The following PROK2 variants were observed in gnomAD, a reference collection of about 807,000 sequenced individuals.
PROK2 encodes prokineticin-2.
PROK2 carries 8 observed loss-of-function variants against 14.2 expected under a neutral mutation model. The observed-to-expected ratio is 0.56, with a 90% CI of 0.33 to 1.02. The LOEUF is 1.02. Among genes scored for constraint, PROK2 ranks in the 50% least tolerant of loss-of-function variants. The probability of loss-of-function intolerance (pLI) is 0.03; values close to 1 mark genes in which losing one functional copy is unlikely to be tolerated. For synonymous variants in PROK2, 59 were observed against 60.7 expected (o/e 0.97, Z 0.13); for missense variants, 154 against 160.4 (o/e 0.96, Z 0.22).
At chr3:71,774,254 ATT>A (rs2050101657) in intron 3 of PROK2, among the ~76,000 whole-genome samples, 189 bp downstream of exon 3, 1 of 152,212 alleles carries the variant, frequency 6.6e-6, no homozygotes, top group African/African-American at 2.4e-5. Flanking sequence ...TTCCAGATAA[ATT>A]TCTTTGTATA....
intron 2 of PROK2, among the ~76,000 whole-genome samples, chr3:71,777,322 C>T (rs1444289957): frequency 6.6e-6 from 1 of 152,134 alleles, no homozygotes; most frequent in African/African-American, 2.4e-5. Context: ...GCATATTATG[C>T]TTTCTTCCCC....
rs58407323 is a variant in PROK2 at position 71,776,364 on chromosome 3, A to ATTTTTTTT, written c.223-1865_223-1858dup. Among the ~76,000 whole-genome samples the ATTTTTTTT allele has an allele frequency of 1.3e-3, 98 of 75,434 alleles. 8 individuals carry two copies. Among genetic ancestry groups the ATTTTTTTT allele is most frequent in the African/African-American group, 4.8e-3 (94 of 19,652 alleles). The allele number at this position is 75,434 out of a possible 152,430, so 49.5% of individuals were successfully genotyped here. A position where few individuals can be genotyped will look rare whatever the true frequency, so the allele number is the denominator to read the frequency against. Reference sequence around the variant, plus strand: ...TTTTCTTTTTTTCTTTTCGCTTTTCATTTTTTTTTTTTTTTTTTTTTTTTT... The same window carrying ATTTTTTTT: ...TTTTCTTTTTTTCTTTTCGCTTTTCATTTTTTTTTTTTTTTTTTTTTTTTTTTTTTTTT... On this transcript the variant is annotated intron_variant, in intron 2 of 3. Transcript: ENST00000295619.
intron 2 of PROK2, 28 bp downstream of exon 2, chr3:71,781,439 C>T: frequency 2.5e-6 from 4 of 1,612,626 alleles, no homozygotes; most frequent in Non-Finnish European, 3.4e-6. Flanking sequence ...AGTAGAACCA[C>T]CATGAATACA....
chr3:71,778,258 T>C (rs2050134949), intron 2 of PROK2, among the ~76,000 whole-genome samples: 1 of 152,000 alleles, frequency 6.6e-6, no homozygotes, highest in Non-Finnish European at 1.5e-5. Context: ...AATGAATACC[T>C]GTTAAAACTA....
Position 71,781,570 on chromosome 3 carries a change from C to T in PROK2, c.119G>A (p.Cys40Tyr). ...GACAGCACAGCACATGCCTCCACCA[C>T]ATTGGGAGTCCTTGTCACAAGCCTG... ...ITGACDKDSQ[C>Y]GGGMCCAVSI... Residue 40 changes from cysteine to tyrosine, a missense_variant, in exon 2 of 4, where the codon TGT (cysteine) becomes TAT (tyrosine). By Grantham distance (194) the Cys-to-Tyr change is radical. Coordinates refer to ENST00000295619, the MANE Select transcript of PROK2 (RefSeq NM_001126128.2). The T allele has an allele frequency of 6.2e-7, 1 of 1,611,824 alleles. No individual in the cohort carries two copies.
At chr3:71,778,390 A>G (rs1260074933) in intron 2 of PROK2, among the ~76,000 whole-genome samples, 1 of 152,302 alleles carries the variant, frequency 6.6e-6, no homozygotes, top group East Asian at 1.9e-4. Context: ...CTATACAATT[A>G]TAAAACAATA....
intron 2 of PROK2, among the ~76,000 whole-genome samples, chr3:71,775,861 G>T (rs1327965318): frequency 3.3e-5 from 5 of 152,138 alleles, no homozygotes; most frequent in Admixed American, 6.5e-5. Context: ...TTTGCTATGT[G>T]CCAATCAAAT....
chr3:71,778,172 G>C (rs979803501), intron 2 of PROK2, among the ~76,000 whole-genome samples: 1 of 151,610 alleles, frequency 6.6e-6, no homozygotes, highest in African/African-American at 2.4e-5. Context: ...ACTCCAGCCT[G>C]GGTGACAAAG....
chr3:71,783,175 C>CT (rs1168473546), intron 1 of PROK2, among the ~76,000 whole-genome samples: 5 of 151,902 alleles, frequency 3.3e-5, no homozygotes, highest in Admixed American at 2.6e-4. Flanking sequence ...GCCCCATGAG[C>CT]TTTTTTTTAT....
chr3:71,774,028 C>T (rs1198095825), intron 3 of PROK2, among the ~76,000 whole-genome samples: 1 of 152,212 alleles, frequency 6.6e-6, no homozygotes, highest in Non-Finnish European at 1.5e-5. Context: ...GCAAGTGACT[C>T]TGACTCAGGC....
chr3:71,773,832 A>G (rs1578408094), intron 3 of PROK2, among the ~76,000 whole-genome samples: 1 of 152,342 alleles, frequency 6.6e-6, no homozygotes, highest in Admixed American at 6.5e-5. Context: ...ACCGACAGCG[A>G]GCATGGTGGT....
chr3:71,772,394 A>C lies in PROK2; in HGVS notation c.*330T>G. ...GAGAAAAAAAAAAAAAAGTTTTTCT[A>C]ACAAAATATCAAATTCTTATTTTCC... On this transcript the variant is annotated 3_prime_UTR_variant, in exon 4 of 4. Transcript: ENST00000295619. The C allele has an allele frequency of 3.7e-6, 1 of 267,126 alleles. No homozygotes were observed. 16.5% of individuals were successfully genotyped at this position (267,126 alleles called of 1,614,324 possible).
chr3:71,778,311 T>G (rs759768344), intron 2 of PROK2, among the ~76,000 whole-genome samples: 73 of 152,202 alleles, frequency 4.8e-4, no homozygotes, highest in Admixed American at 2.8e-3. Context: ...CATACTATGC[T>G]TCCTAGGTGA....
chr3:71,780,599 T>C (rs1578412220), intron 2 of PROK2, among the ~76,000 whole-genome samples: 1 of 152,164 alleles, frequency 6.6e-6, no homozygotes. Context: ...ACTTTACCAA[T>C]GGGAAAAATG....
intron 2 of PROK2, among the ~76,000 whole-genome samples, chr3:71,777,382 A>AT (rs575338513): frequency 4.8e-4 from 73 of 152,254 alleles, no homozygotes; most frequent in African/African-American, 1.6e-3. Context: ...GTATTTTAAA[A>AT]TTTTTTTACT....
intron 2 of PROK2, among the ~76,000 whole-genome samples, chr3:71,775,862 C>T (rs1227945112): frequency 1.3e-5 from 2 of 152,134 alleles, no homozygotes; most frequent in Non-Finnish European, 2.9e-5. Flanking sequence ...TTGCTATGTG[C>T]CAATCAAATG....
chr3:71,781,732 C>A (rs2050162055), intron 1 of PROK2, 140 bp from the exon 2 acceptor site: 2 of 927,880 alleles, frequency 2.2e-6, no homozygotes, highest in Non-Finnish European at 1.7e-6. Flanking sequence ...TAAATGATAA[C>A]CTTCATTTAC....
chr3:71,772,270 TA>T lies in PROK2; in HGVS notation c.*453del, dbSNP rs1290300513. The stretch of plus-strand genomic sequence containing the variant: ...GGAAGAGAAATGGACAAAAATAAAG[TA>T]AGGTAAGAGCCTTGAAATTCTTTGA... On this transcript the variant is annotated 3_prime_UTR_variant, in exon 4 of 4. Coordinates refer to ENST00000295619, the MANE Select transcript of PROK2 (RefSeq NM_001126128.2). 1 of 162,022 alleles carries T rather than the reference TA, an allele frequency of 6.2e-6. No homozygotes were observed. The highest frequency in any genetic ancestry group is 1.3e-5 in the Non-Finnish European group (1 of 74,680). The allele number at this position is 162,022 out of a possible 1,614,324, so 10.0% of individuals were successfully genotyped here.
At chr3:71,781,639 T>C in intron 1 of PROK2, 47 bp from the exon 2 acceptor site, 1 of 1,585,284 alleles carries the variant, frequency 6.3e-7, no homozygotes, top group Non-Finnish European at 8.7e-7. Flanking sequence ...CAGGAAAGAC[T>C]CAGGCTAAGG....
Sources: gnomAD v4.1 joint callset for allele counts (sites outside exome capture counted in the v4.1 genomes callset) on GRCh38, gnomAD v4.1.1 for gene constraint, MANE v1.5 for transcripts, NCBI Gene and HGNC (gene_info 2026-07-23, HGNC 2026-07-21) for gene names.